POLR2F: variants seen among roughly 807,000 people sequenced by gnomAD.
POLR2F encodes RNA polymerase II, I and III subunit F, also known as DNA-directed RNA polymerases I, II, and III subunit RPABC2.
POLR2F carries 12 observed loss-of-function variants against 22.7 expected under a neutral mutation model. The ratio of observed to expected loss-of-function variants is 0.53; its 90% CI spans 0.34 to 0.86. POLR2F has a LOEUF of 0.86. POLR2F is among the 40% of genes least tolerant of loss of function. POLR2F has a pLI of 0.02. For missense variants in POLR2F, 126 were observed against 171.5 expected (o/e 0.73, Z 1.48); for synonymous variants, 57 against 66.0 (o/e 0.86, Z 0.66).
intron 1 of POLR2F, chr22:37,987,723 G>A (rs1932623140): frequency 4.0e-6 from 1 of 249,644 alleles, no homozygotes; most frequent in African/African-American, 2.2e-5. Flanking sequence ...GATGGGATGA[G>A]GGAACACAGG....
chr22:37,983,229 T>C (rs1932454977), upstream of POLR2F: 1 of 1,162,016 alleles, frequency 8.6e-7, no homozygotes, highest in African/African-American at 1.5e-5. The surrounding 1 kb of genome is among the most constrained non-coding windows in gnomAD (Gnocchi z 9.5). Flanking sequence ...ACACCTGGTC[T>C]TCCAGCCCTA....
chr22:38,004,489 A>C (rs1177234635), intron 1 of POLR2F, among the ~76,000 whole-genome samples: 1 of 152,088 alleles, frequency 6.6e-6, no homozygotes, highest in African/African-American at 2.4e-5. Flanking sequence ...ATGCATATCT[A>C]CTCGCTGAGT....
chr22:37,972,280 A>G, downstream of POLR2F: 1 of 1,296,836 alleles, frequency 7.7e-7, no homozygotes, highest in Non-Finnish European at 1.0e-6. Context: ...TAAGAGATGA[A>G]GAGACAGGCC....
At chr22:37,977,018 A>G (rs1932241066) in intron 4 of POLR2F, among the ~76,000 whole-genome samples, 1 of 151,788 alleles carries the variant, frequency 6.6e-6, no homozygotes, top group East Asian at 2.0e-4. Context: ...AATACACAAA[A>G]TGAGCCAGAC....
intron 5 of POLR2F, among the ~76,000 whole-genome samples, chr22:38,037,376 C>T (rs4821729): frequency 0.63 from 95,035 of 151,324 alleles, 30,498 homozygotes; most frequent in African/African-American, 0.76. Flanking sequence ...TGGGCTCAAG[C>T]GATCCTCCCG....
chr22:37,975,436 CT>C (rs1437670948), intron 4 of POLR2F, among the ~76,000 whole-genome samples: 3 of 152,134 alleles, frequency 2.0e-5, no homozygotes, highest in Non-Finnish European at 4.4e-5. Flanking sequence ...CAGTTTCATT[CT>C]GAGGTGGTTG....
downstream of POLR2F, among the ~76,000 whole-genome samples, chr22:38,027,577 G>A (rs1204784931): frequency 6.6e-6 from 1 of 152,096 alleles, no homozygotes; most frequent in East Asian, 1.9e-4. Flanking sequence ...GCCTCATGTG[G>A]GGCCTGTCAC....
intron 2 of POLR2F, 92 bp from the exon 3 acceptor site, chr22:37,959,254 G>A: frequency 1.5e-6 from 2 of 1,326,854 alleles, no homozygotes; most frequent in Non-Finnish European, 2.1e-6. Flanking sequence ...AACGGTGGCT[G>A]TAGCGAGAAT....
At chr22:38,037,596 C>CTT (rs34521431) in intron 5 of POLR2F, among the ~76,000 whole-genome samples, 11 of 140,688 alleles carry the variant, frequency 7.8e-5, no homozygotes, top group African/African-American at 2.4e-4. Flanking sequence ...TTCCTATCTC[C>CTT]TTTTTTTTTT....
chr22:37,989,978 A>G (rs1244975320), intron 1 of POLR2F, among the ~76,000 whole-genome samples: 3 of 152,128 alleles, frequency 2.0e-5, no homozygotes, highest in Non-Finnish European at 2.9e-5. Flanking sequence ...TCTTTTCCCT[A>G]TGACTTTCCC....
chr22:38,015,603 C>G (rs929814773), intron 1 of POLR2F, among the ~76,000 whole-genome samples: 3 of 152,102 alleles, frequency 2.0e-5, no homozygotes, highest in Non-Finnish European at 4.4e-5. Flanking sequence ...GAGTTAGGAG[C>G]CCTGGGTTGG....
chr22:37,959,284 A>C, intron 2 of POLR2F, 62 bp from the exon 3 acceptor site: 7 of 1,556,598 alleles, frequency 4.5e-6, no homozygotes, highest in Non-Finnish European at 6.2e-6. Context: ...TGTCATTATC[A>C]CTCTCCCTGT....
At chr22:38,009,354 C>T (rs1601905045) in intron 1 of POLR2F, among the ~76,000 whole-genome samples, 1 of 152,124 alleles carries the variant, frequency 6.6e-6, no homozygotes, top group South Asian at 2.1e-4. Flanking sequence ...GCTGGGAGGC[C>T]AGGAAGGAGG....
Position 37,986,193 on chromosome 22 carries a change from C to A in POLR2F, c.3C>A (p.Ter1=). Reference sequence around the variant, plus strand: ...CAGAACCGCCCGGAGAGGAGCCGCCCTGGATGGACAGAGGGACGAGGGACG... The same window carrying A: ...CAGAACCGCCCGGAGAGGAGCCGCCATGGATGGACAGAGGGACGAGGGACG... On this transcript the variant is annotated coding_sequence_variant, in exon 1 of 3. Transcript: ENST00000333418. This position sits in a 1 kb window ranked among gnomAD's most constrained non-coding sequence, Gnocchi z 4.7. The A allele has an allele frequency of 6.5e-7, 1 of 1,543,142 alleles. No homozygotes were observed.
chr22:38,000,723 A>G (rs1324165591), intron 1 of POLR2F, among the ~76,000 whole-genome samples: 2 of 152,144 alleles, frequency 1.3e-5, no homozygotes, highest in African/African-American at 2.4e-5. Flanking sequence ...AGGTGTTTGA[A>G]ATAACATTCT....
chr22:38,013,101 CT>C (rs2084886039), intron 1 of POLR2F, among the ~76,000 whole-genome samples: 1 of 150,316 alleles, frequency 6.7e-6, no homozygotes, highest in African/African-American at 2.5e-5. Context: ...CCTTCCTTCC[CT>C]TCCTTCCCTT....
Position 37,969,074 on chromosome 22 carries a change from C to T in POLR2F, c.*1359C>T, listed in dbSNP as rs981816951. The T allele has an allele frequency of 7.1e-6, 7 of 985,432 alleles. No homozygotes were observed. The highest frequency in any genetic ancestry group is 8.4e-6 in the Non-Finnish European group (7 of 829,978). The allele number at this position is 985,432 out of a possible 1,614,324, so 61.0% of individuals were successfully genotyped here. ...TCGGCCCCATTTCTCTAAATGGTCTCTTTGTTCCCTGCTGGGCTGCTCAGT... is the reference window on the plus strand; with the variant it reads ...TCGGCCCCATTTCTCTAAATGGTCTTTTTGTTCCCTGCTGGGCTGCTCAGT... On this transcript the variant is annotated 3_prime_UTR_variant, in exon 5 of 5. Transcript: ENST00000442738.
rs2084927489 is a variant in POLR2F, at chr22:38,017,752, A to G, written c.121-8117A>G. Among the ~76,000 whole-genome samples the G allele has an allele frequency of 6.6e-6, 1 of 152,116 alleles. No homozygotes were observed. The highest frequency in any genetic ancestry group is 2.1e-4 in the South Asian group (1 of 4,832). The stretch of plus-strand genomic sequence containing the variant: ...CGCTGGCACAGCTCCAGTGACATGG[A>G]GCTCACTCCTCACATGGCTTGCTCT... On this transcript the variant is annotated intron_variant, in intron 1 of 2. Transcript: ENST00000333418. This position sits in a 1 kb window ranked among gnomAD's most constrained non-coding sequence, Gnocchi z 4.1.
chr22:38,035,336 C>G (rs942615901), intron 5 of POLR2F, among the ~76,000 whole-genome samples: 1 of 152,204 alleles, frequency 6.6e-6, no homozygotes, highest in East Asian at 1.9e-4. Flanking sequence ...CAGCACCATC[C>G]TATGGGACGA....
Sources: allele counts gnomAD v4.1 joint callset (sites outside exome capture counted in the v4.1 genomes callset), GRCh38; gene constraint gnomAD v4.1.1; non-coding constraint Gnocchi (gnomAD v3.1); transcripts MANE v1.5; gene names NCBI Gene and HGNC (gene_info 2026-07-23, HGNC 2026-07-21).